SIK2: variants seen among roughly 807,000 people sequenced by gnomAD.
SIK2 encodes the protein salt inducible kinase 2, also known as serine/threonine-protein kinase SIK2.
Under a neutral mutation model 103.2 loss-of-function variants are expected in SIK2, and 29 were observed. The observed-to-expected ratio is 0.28, with a 90% confidence interval of 0.21 to 0.38. The LOEUF is 0.38. Among genes scored for constraint, SIK2 ranks in the 10% least tolerant of loss-of-function variants. SIK2 has a pLI of 1.00. For synonymous variants in SIK2, 412 were observed against 446.1 expected (o/e 0.92, Z 0.96); for missense variants, 879 against 1,171.0 (o/e 0.75, Z 3.64).
intron 3 of SIK2, among the ~76,000 whole-genome samples, chr11:111,642,396 C>T (rs1054382673): frequency 5.9e-5 from 9 of 152,118 alleles, no homozygotes; most frequent in South Asian, 4.1e-4. Flanking sequence ...TTTGCTAGCA[C>T]GTCTCACAGA....
intron 3 of SIK2, among the ~76,000 whole-genome samples, chr11:111,655,802 A>C (rs914280400): frequency 2.6e-5 from 4 of 152,166 alleles, no homozygotes; most frequent in Non-Finnish European, 5.9e-5. Context: ...GGGGGCAAAG[A>C]ATGTTTCTTA....
chr11:111,673,516 G>A (rs986477037), intron 3 of SIK2, among the ~76,000 whole-genome samples: 3 of 152,120 alleles, frequency 2.0e-5, no homozygotes, highest in Non-Finnish European at 2.9e-5. Flanking sequence ...GGGCCTCTTG[G>A]ATTTGTTCTG....
chr11:111,642,499 TA>T (rs892597761), intron 3 of SIK2, among the ~76,000 whole-genome samples: 11 of 152,120 alleles, frequency 7.2e-5, no homozygotes, highest in African/African-American at 2.7e-4. Flanking sequence ...GAGCAAGGTA[TA>T]GGGGGAGGGC....
At chr11:111,623,535 C>G (rs928278881) in intron 3 of SIK2, among the ~76,000 whole-genome samples, 2 of 152,200 alleles carry the variant, frequency 1.3e-5, no homozygotes, top group Non-Finnish European at 2.9e-5. Flanking sequence ...TACTTGGAAA[C>G]AGTTTGATCC....
rs1189497218 is a variant in SIK2 at position 111,723,653 on chromosome 11, A to G, written c.2305A>G (p.Ser769Gly). The G allele has an allele frequency of 4.5e-5, 72 of 1,613,990 alleles. No homozygotes were observed. The highest frequency in any genetic ancestry group is 5.9e-5 in the Non-Finnish European group (70 of 1,180,028). Residue 769 changes from serine (S) to glycine (G), a missense_variant, in exon 15 of 15, where the codon AGC (serine) becomes GGC (glycine). By Grantham distance (56) the Ser-to-Gly change is moderately conservative. Around this residue, in one of 7 missense-constraint regions of SIK2, gnomAD observed 375 missense variants for 416.3 expected, o/e 0.90. Transcript: ENST00000304987. ...GCCTTCTCAGCAGGCCCCACCGTTCAGCCTGACCCAGCCCCTGAGCCCCGT... is the reference window on the plus strand; with the variant it reads ...GCCTTCTCAGCAGGCCCCACCGTTCGGCCTGACCCAGCCCCTGAGCCCCGT... ...PPPSQQAPPFSLTQPLSPVLE... is the reference protein window; with the variant it reads ...PPPSQQAPPFGLTQPLSPVLE...
At chr11:111,676,007 T>C (rs1324964338) in intron 3 of SIK2, among the ~76,000 whole-genome samples, 2 of 152,234 alleles carry the variant, frequency 1.3e-5, no homozygotes, top group Non-Finnish European at 2.9e-5. Flanking sequence ...AGTGAGAACA[T>C]GCAGTTTTTG....
intron 3 of SIK2, among the ~76,000 whole-genome samples, chr11:111,677,586 A>ATTTTTTTTTTTTTTTTTTTT (rs11384906): frequency 4.5e-5 from 5 of 110,940 alleles, no homozygotes; most frequent in Non-Finnish European, 7.0e-5. Context: ...CCCAGCTAAA[A>ATTTTTTTTTTTTTTTTTTTT]TTTTTTTTTT....
At chr11:111,641,044 C>T (rs1053485768) in intron 3 of SIK2, among the ~76,000 whole-genome samples, 5 of 152,058 alleles carry the variant, frequency 3.3e-5, no homozygotes, top group Non-Finnish European at 7.4e-5. Context: ...GCGAAATTTA[C>T]CTCCTTTTTA....
intron 3 of SIK2, among the ~76,000 whole-genome samples, chr11:111,656,974 G>GAATAATTTATGCAATACTTTATGC (rs1942399499): frequency 6.6e-6 from 1 of 152,162 alleles, no homozygotes; most frequent in Admixed American, 6.5e-5. Flanking sequence ...AATAGCCTAA[G>GAATAATTTATGCAATACTTTATGC]AATAAATTTA....
Position 111,705,200 on chromosome 11 carries a change from T to C in SIK2, c.1101+61T>C. ...TGTGCCTGTTCACATGTTTGATACATTTTTCATCTTATACACAGGGTTAGG... is the reference window on the plus strand; with the variant it reads ...TGTGCCTGTTCACATGTTTGATACACTTTTCATCTTATACACAGGGTTAGG... On this transcript the variant is annotated intron_variant, in intron 8 of 14. Transcript: ENST00000304987. The surrounding 1 kb of genome is among the most constrained non-coding windows in gnomAD (Gnocchi z 4.3). 1 of 1,444,974 alleles carries C rather than the reference T, an allele frequency of 6.9e-7. No homozygotes were observed. Among genetic ancestry groups the C allele is most frequent in the Non-Finnish European group, 9.1e-7 (1 of 1,101,236 alleles). 89.5% of individuals were successfully genotyped at this position (1,444,974 alleles called of 1,614,324 possible). A position where few individuals can be genotyped will look rare whatever the true frequency, so the allele number is the denominator to read the frequency against.
At chr11:111,719,180 C>A (rs551575811) in intron 9 of SIK2, among the ~76,000 whole-genome samples, 2 of 152,140 alleles carry the variant, frequency 1.3e-5, no homozygotes, top group Admixed American at 6.5e-5. Flanking sequence ...TTTTTCAATC[C>A]TTTTTGTGGT....
chr11:111,664,925 A>G (rs1351184065), intron 3 of SIK2, among the ~76,000 whole-genome samples: 2 of 152,176 alleles, frequency 1.3e-5, no homozygotes, highest in Non-Finnish European at 2.9e-5. Context: ...GGAAGGGAGA[A>G]GACAATTCTA....
chr11:111,652,394 C>G (rs531148029), intron 3 of SIK2, among the ~76,000 whole-genome samples: 10 of 152,202 alleles, frequency 6.6e-5, no homozygotes, highest in Admixed American at 6.5e-4. Flanking sequence ...GCAGCGAAAT[C>G]TAGTCTCCCA....
chr11:111,640,397 A>G (rs1453840691), intron 3 of SIK2, among the ~76,000 whole-genome samples: 2 of 152,246 alleles, frequency 1.3e-5, no homozygotes, highest in Non-Finnish European at 2.9e-5. Flanking sequence ...ATTTTAAGAT[A>G]GATTTGCTTT....
intron 3 of SIK2, among the ~76,000 whole-genome samples, chr11:111,641,742 G>A (rs1003706282): frequency 6.6e-6 from 1 of 152,058 alleles, no homozygotes; most frequent in African/African-American, 2.4e-5. Flanking sequence ...TGGCACTTAA[G>A]ACCTTTTATA....
At chr11:111,721,177 T>C (rs1943789773) in intron 12 of SIK2, 115 bp downstream of exon 12, 2 of 1,304,580 alleles carry the variant, frequency 1.5e-6, no homozygotes. Flanking sequence ...AAACAGGCTG[T>C]TTGGGAAAAC....
At chr11:111,638,699 A>T (rs1043681966) in intron 3 of SIK2, among the ~76,000 whole-genome samples, 12 of 151,982 alleles carry the variant, frequency 7.9e-5, no homozygotes, top group Non-Finnish European at 1.2e-4. Context: ...TTATCTCTAG[A>T]TGTTCCTTTT....
rs1422175703 is a variant in SIK2 at position 111,705,249 on chromosome 11, T to C, written c.1101+110T>C. On this transcript the variant is annotated intron_variant, in intron 8 of 14. Coordinates refer to ENST00000304987, the MANE Select transcript of SIK2 (RefSeq NM_015191.3). The surrounding 1 kb of genome is among the most constrained non-coding windows in gnomAD (Gnocchi z 4.3). ...GGATTTCATCCTCTACACTCCGTTT[T>C]TCTGTAAAATTTCTGCCTGCCATTC... 3.4e-6 allele frequency: 4 copies of C among 1,185,648 alleles called. No homozygotes were observed. Among genetic ancestry groups the C allele is most frequent in the Non-Finnish European group, 4.4e-6 (4 of 914,000 alleles). 73.4% of individuals were successfully genotyped at this position (1,185,648 alleles called of 1,614,324 possible). A position where few individuals can be genotyped will look rare whatever the true frequency, so the allele number is the denominator to read the frequency against.
intron 3 of SIK2, among the ~76,000 whole-genome samples, chr11:111,647,674 G>A (rs1443471665): frequency 6.6e-6 from 1 of 151,706 alleles, no homozygotes; most frequent in East Asian, 1.9e-4. Flanking sequence ...GACCATCCTG[G>A]CTAACACGGT....
Sources: allele counts gnomAD v4.1 joint callset (sites outside exome capture counted in the v4.1 genomes callset), GRCh38; gene constraint gnomAD v4.1.1; regional missense constraint gnomAD v4.1.1; non-coding constraint Gnocchi (gnomAD v3.1); transcripts MANE v1.5; gene names NCBI Gene and HGNC (gene_info 2026-07-23, HGNC 2026-07-21).